Variants in ROBO1 observed in about 807,000 individuals in gnomAD.
The protein encoded by ROBO1 is roundabout guidance receptor 1, also known as roundabout homolog 1.
In ROBO1, 149 loss-of-function variants were observed where a neutral mutation model predicts 195.9. That is an observed-to-expected ratio of 0.76 (90% confidence interval 0.67 to 0.87). ROBO1 has a LOEUF of 0.87. Ranked by LOEUF, ROBO1 falls within the 40% of genes least tolerant of loss-of-function variation. The pLI is 0.00. For missense variants in ROBO1, 1,933 were observed against 2,068.3 expected, an observed-to-expected ratio of 0.93 and a Z score of 1.27; for synonymous variants, 816 against 733.2, an observed-to-expected ratio of 1.11 and a Z score of -1.82.
intron 2 of ROBO1, among the ~76,000 whole-genome samples, chr3:79,250,149 A>C (rs1482501685): frequency 6.6e-6 from 1 of 152,202 alleles, no homozygotes; most frequent in African/African-American, 2.4e-5. Flanking sequence ...TATCAACAGA[A>C]ATGTCAATCT....
chr3:79,621,659 C>T (rs1385378629), intron 1 of ROBO1, among the ~76,000 whole-genome samples: 4 of 152,162 alleles, frequency 2.6e-5, no homozygotes, highest in Admixed American at 2.6e-4. Flanking sequence ...TTGTGCCCTG[C>T]TAAACTACCC....
intron 4 of ROBO1, among the ~76,000 whole-genome samples, chr3:78,773,767 C>G (rs1025994000): frequency 6.6e-6 from 1 of 152,156 alleles, no homozygotes; most frequent in Non-Finnish European, 1.5e-5. Context: ...TCATATATAG[C>G]AAACTGTATC....
At chr3:79,421,862 G>A (rs1168479419) in intron 2 of ROBO1, among the ~76,000 whole-genome samples, 1 of 151,752 alleles carries the variant, frequency 6.6e-6, no homozygotes, top group Non-Finnish European at 1.5e-5. Flanking sequence ...TACAGAAAAG[G>A]AAACCAAGAC....
intron 2 of ROBO1, among the ~76,000 whole-genome samples, chr3:79,226,495 A>G (rs937575815): frequency 1.4e-5 from 2 of 147,866 alleles, no homozygotes; most frequent in African/African-American, 5.0e-5. Context: ...AGACAATTGT[A>G]TTTTTCCACA....
chr3:79,470,327 A>C (rs1056946179), intron 2 of ROBO1, among the ~76,000 whole-genome samples: 4 of 152,060 alleles, frequency 2.6e-5, no homozygotes, highest in Non-Finnish European at 4.4e-5. Context: ...ACCAAACACC[A>C]CATGTTCTCA....
At chr3:79,226,139 T>C (rs1207133214) in intron 2 of ROBO1, among the ~76,000 whole-genome samples, 2 of 152,202 alleles carry the variant, frequency 1.3e-5, no homozygotes, top group Admixed American at 6.5e-5. Flanking sequence ...CACTTTTTCG[T>C]AGTGGGCATA....
At chr3:79,021,955 C>A (rs963160012) in intron 3 of ROBO1, among the ~76,000 whole-genome samples, 1 of 152,166 alleles carries the variant, frequency 6.6e-6, no homozygotes, top group Admixed American at 6.5e-5. Flanking sequence ...CCCTGCCGCG[C>A]CCGGCCTAGA....
At chr3:79,298,686 A>T (rs1480290874) in intron 2 of ROBO1, among the ~76,000 whole-genome samples, 3 of 152,154 alleles carry the variant, frequency 2.0e-5, no homozygotes, top group African/African-American at 7.2e-5. Flanking sequence ...GGTGCAAAGT[A>T]GAAAAACCAA....
At chr3:79,530,448 C>T (rs1193581165) in intron 2 of ROBO1, among the ~76,000 whole-genome samples, 1 of 152,152 alleles carries the variant, frequency 6.6e-6, no homozygotes, top group Non-Finnish European at 1.5e-5. Context: ...AACTCAAGAT[C>T]TGTCAAAATG....
intron 25 of ROBO1, among the ~76,000 whole-genome samples, chr3:78,627,935 C>T (rs1281356263): frequency 6.7e-6 from 1 of 149,622 alleles, no homozygotes; most frequent in East Asian, 2.0e-4. Flanking sequence ...TGAGCTGCTA[C>T]ATTTAGAGAA....
At chr3:78,893,395 C>G (rs2037024103) in intron 4 of ROBO1, among the ~76,000 whole-genome samples, 2 of 152,156 alleles carry the variant, frequency 1.3e-5, no homozygotes, top group Non-Finnish European at 2.9e-5. Flanking sequence ...AAGGTGCCGT[C>G]TTGGAAACCC....
chr3:79,140,886 C>A (rs1261520927), intron 2 of ROBO1, among the ~76,000 whole-genome samples: 1 of 152,132 alleles, frequency 6.6e-6, no homozygotes, highest in African/African-American at 2.4e-5. Flanking sequence ...GAAGTATCTC[C>A]ACATAGACAG....
At chr3:79,299,798 C>T (rs1330904913) in intron 2 of ROBO1, among the ~76,000 whole-genome samples, 1 of 147,824 alleles carries the variant, frequency 6.8e-6, no homozygotes, top group African/African-American at 2.5e-5. Context: ...GTTAATTAAC[C>T]AAGGAATGAA....
At chr3:79,575,444 T>C (rs1943449053) in intron 2 of ROBO1, among the ~76,000 whole-genome samples, 1 of 130,034 alleles carries the variant, frequency 7.7e-6, no homozygotes, top group Non-Finnish European at 1.6e-5. Flanking sequence ...ATATAACAAA[T>C]ATATATAAAT....
chr3:78,978,119 T>A (rs538764430), intron 3 of ROBO1, among the ~76,000 whole-genome samples: 4 of 152,236 alleles, frequency 2.6e-5, no homozygotes, highest in African/African-American at 9.6e-5. Flanking sequence ...TCAAAAATTA[T>A]CAGATTGAAT....
intron 1 of ROBO1, among the ~76,000 whole-genome samples, chr3:79,744,925 A>ATAT (rs201260718): frequency 3.9e-5 from 6 of 151,930 alleles, no homozygotes; most frequent in African/African-American, 1.5e-4. Context: ...TATATATATA[A>ATAT]AAACATATAT....
intron 4 of ROBO1, among the ~76,000 whole-genome samples, chr3:78,916,557 G>GAAAAAAAA (rs969858186): frequency 2.7e-5 from 2 of 74,142 alleles, no homozygotes; most frequent in African/African-American, 4.1e-5. Context: ...GTCTCAAAAA[G>GAAAAAAAA]AAAAAAAAAA....
rs2037990858 is a variant in ROBO1, at chr3:79,416,136, C to T, written c.88+173688G>A. 2.6e-5 allele frequency among the ~76,000 whole-genome samples: 4 copies of T among 151,832 alleles called. No individual in the cohort carries two copies. The South Asian group carries it at 8.3e-4, about 32-fold the overall frequency. The stretch of plus-strand genomic sequence containing the variant: ...GAATCAGCCTATTTGTCTGCATTCT[C>T]ATATAAGGAATATTTGAATTAAATA... On this transcript the variant is annotated intron_variant, in intron 2 of 30. Coordinates refer to ENST00000464233, the MANE Select transcript of ROBO1 (RefSeq NM_002941.4).
chr3:79,407,582 A>T (rs2106827130), intron 2 of ROBO1, among the ~76,000 whole-genome samples: 1 of 152,274 alleles, frequency 6.6e-6, no homozygotes, highest in South Asian at 2.1e-4. Flanking sequence ...TTCCCTGCTT[A>T]AACTCTTATT....
Sources: allele counts gnomAD v4.1 joint callset (sites outside exome capture counted in the v4.1 genomes callset), GRCh38; gene constraint gnomAD v4.1.1; transcripts MANE v1.5; gene names NCBI Gene and HGNC (gene_info 2026-07-23, HGNC 2026-07-21).